Variants in NALF1 observed in about 807,000 individuals in gnomAD.
NALF1 encodes family with sequence similarity 155 member A.
A neutral mutation model predicts 48.4 loss-of-function variants in NALF1; 3 were observed. The ratio of observed to expected loss-of-function variants is 0.06; its 90% CI spans 0.03 to 0.16. The LOEUF (loss-of-function observed/expected upper bound fraction) is 0.16. Among genes scored for constraint, NALF1 ranks in the 10% least tolerant of loss-of-function variants. The pLI is 1.00. For synonymous variants in NALF1, 262 were observed against 245.7 expected (o/e 1.07, Z -0.62); for missense variants, 526 against 571.5 (o/e 0.92, Z 0.81).
At chr13:107,482,266 C>G (rs746111140) in intron 1 of NALF1, among the ~76,000 whole-genome samples, 1 of 152,050 alleles carries the variant, frequency 6.6e-6, no homozygotes, top group Non-Finnish European at 1.5e-5. Context: ...CAGCCGTGGC[C>G]TCCCCTGCAG....
intron 1 of NALF1, among the ~76,000 whole-genome samples, chr13:107,596,196 G>C (rs1003290036): frequency 9.9e-5 from 15 of 152,142 alleles, no homozygotes; most frequent in African/African-American, 3.1e-4. Context: ...AGCCTCTAAA[G>C]AAACTCAAGT....
rs1883050663 is a variant in NALF1 at position 107,360,954 on chromosome 13, T to C, written c.916-150199A>G. ...GTTTCCTACAATCTTAATTCACTGA[T>C]TGCTTATCAGTGATGTTTAATACAT... On this transcript the variant is annotated intron_variant, in intron 1 of 2. Transcript: ENST00000375915. 1.3e-5 allele frequency among the ~76,000 whole-genome samples: 2 copies of C among 152,270 alleles called. 1 individual carries two copies. The highest frequency in any genetic ancestry group is 3.9e-4 in the East Asian group (2 of 5,168).
At chr13:107,642,562 T>C (rs1464609792) in intron 1 of NALF1, among the ~76,000 whole-genome samples, 1 of 152,246 alleles carries the variant, frequency 6.6e-6, no homozygotes, top group South Asian at 2.1e-4. Context: ...TATGTCAACA[T>C]ATAGCTCCTG....
intron 1 of NALF1, among the ~76,000 whole-genome samples, chr13:107,519,064 A>C (rs1412249577): frequency 6.6e-6 from 1 of 152,204 alleles, no homozygotes; most frequent in Non-Finnish European, 1.5e-5. Context: ...CAAGGGCATA[A>C]TTTAGTGTCT....
intron 1 of NALF1, among the ~76,000 whole-genome samples, chr13:107,446,312 T>C (rs1252890742): frequency 6.6e-6 from 1 of 152,104 alleles, no homozygotes; most frequent in Non-Finnish European, 1.5e-5. Context: ...ATGTTCTATT[T>C]CCTAAACATT....
At chr13:107,228,918 C>T (rs1880163558) in intron 1 of NALF1, among the ~76,000 whole-genome samples, 1 of 151,912 alleles carries the variant, frequency 6.6e-6, no homozygotes, top group African/African-American at 2.4e-5. Context: ...ACCACGCCCG[C>T]CTGGGTGCTG....
At chr13:107,774,849 C>G (rs1325518246) in intron 1 of NALF1, among the ~76,000 whole-genome samples, 1 of 152,098 alleles carries the variant, frequency 6.6e-6, no homozygotes, top group Non-Finnish European at 1.5e-5. Flanking sequence ...ATGGTTCTTC[C>G]TTCCTCTCTT....
intron 1 of NALF1, among the ~76,000 whole-genome samples, chr13:107,481,216 CA>C (rs1432281161): frequency 6.6e-6 from 1 of 152,074 alleles, no homozygotes; most frequent in Non-Finnish European, 1.5e-5. Context: ...GCAGTTCTAT[CA>C]TAATGTCATT....
chr13:107,406,054 A>G (rs182792013), intron 1 of NALF1, among the ~76,000 whole-genome samples: 295 of 152,184 alleles, frequency 1.9e-3, no homozygotes, highest in African/African-American at 6.6e-3. Flanking sequence ...ACCACTACCT[A>G]GAACCACTTC....
intron 1 of NALF1, among the ~76,000 whole-genome samples, chr13:107,562,536 G>A (rs143788866): frequency 2.3e-4 from 35 of 152,214 alleles, no homozygotes; most frequent in African/African-American, 8.4e-4. Context: ...CAATACAAAC[G>A]TTTCCATTTT....
intron 1 of NALF1, among the ~76,000 whole-genome samples, chr13:107,591,571 T>C (rs1878604084): frequency 6.6e-6 from 1 of 152,008 alleles, no homozygotes. Context: ...TCCAACTGAG[T>C]GAAATGTAAC....
intron 1 of NALF1, among the ~76,000 whole-genome samples, chr13:107,588,691 A>C (rs961045499): frequency 1.3e-5 from 2 of 152,064 alleles, no homozygotes; most frequent in African/African-American, 4.8e-5. Flanking sequence ...CATAATTTTG[A>C]CTGTGCAGAA....
intron 1 of NALF1, among the ~76,000 whole-genome samples, chr13:107,754,034 A>C (rs936067840): frequency 1.3e-5 from 2 of 152,204 alleles, no homozygotes; most frequent in African/African-American, 4.8e-5. Context: ...AATGTTGGGC[A>C]GCTGAAAATA....
intron 1 of NALF1, among the ~76,000 whole-genome samples, chr13:107,253,970 G>T (rs370949779): frequency 1.3e-5 from 2 of 151,888 alleles, no homozygotes; most frequent in African/African-American, 4.8e-5. Context: ...TAGAATATGA[G>T]CTTTATGATG....
chr13:107,311,782 A>T (rs1882051413), intron 1 of NALF1, among the ~76,000 whole-genome samples: 1 of 152,230 alleles, frequency 6.6e-6, no homozygotes, highest in African/African-American at 2.4e-5. Context: ...GACACTTCTC[A>T]AAAGAAGACA....
chr13:107,274,286 T>C (rs9558991), intron 1 of NALF1, among the ~76,000 whole-genome samples: 32,060 of 152,062 alleles, frequency 0.21, 4,233 homozygotes, highest in Non-Finnish European at 0.29. Context: ...AAGATCATCT[T>C]GCAAAGCAAG....
chr13:107,278,658 C>T lies in NALF1; in HGVS notation c.916-67903G>A, dbSNP rs916045391. 3.9e-5 allele frequency among the ~76,000 whole-genome samples: 6 copies of T among 152,248 alleles called. No individual in the cohort carries two copies. In the East Asian group the frequency reaches 9.6e-4, roughly 24 times the overall value. On this transcript the variant is annotated intron_variant, in intron 1 of 2. Coordinates refer to ENST00000375915, the MANE Select transcript of NALF1 (RefSeq NM_001080396.3). Reference sequence around the variant, plus strand: ...AGCTTGTTTACATAAAATGAAACTGCTTACCAGCTAATTAAGGGACAAGCA... The same window carrying T: ...AGCTTGTTTACATAAAATGAAACTGTTTACCAGCTAATTAAGGGACAAGCA...
intron 1 of NALF1, among the ~76,000 whole-genome samples, chr13:107,519,364 G>GA (rs56245128): frequency 1.3e-4 from 20 of 148,914 alleles, no homozygotes; most frequent in South Asian, 2.1e-4. Flanking sequence ...CCGGGAGGAG[G>GA]AAAAAAAAAA....
At chr13:107,287,706 C>CTTTTTTTTTTT (rs59607599) in intron 1 of NALF1, among the ~76,000 whole-genome samples, 8 of 127,878 alleles carry the variant, frequency 6.3e-5, no homozygotes, top group Non-Finnish European at 1.1e-4. Flanking sequence ...TCTTTTCTTT[C>CTTTTTTTTTTT]TTTTTTTTTT....
Sources: gnomAD v4.1 joint callset for allele counts (sites outside exome capture counted in the v4.1 genomes callset) on GRCh38, gnomAD v4.1.1 for gene constraint, MANE v1.5 for transcripts, NCBI Gene and HGNC (gene_info 2026-07-23, HGNC 2026-07-21) for gene names.